The following HYAL3 variants were observed in gnomAD, a reference collection of about 807,000 sequenced individuals.
HYAL3 encodes the protein hyaluronidase-3.
In HYAL3, 25 loss-of-function variants were observed where a neutral mutation model predicts 29.6. The ratio of observed to expected loss-of-function variants is 0.85; its 90% confidence interval spans 0.62 to 1.18. The LOEUF (loss-of-function observed/expected upper bound fraction) is 1.18. Among genes scored for constraint, HYAL3 ranks in the 50% most tolerant of loss-of-function variants. The pLI, the probability that HYAL3 is intolerant of heterozygous loss-of-function variation, is 0.00. For synonymous variants in HYAL3, 215 were observed against 218.3 expected (o/e 0.99, Z 0.13); for missense variants, 442 against 548.4 (o/e 0.81, Z 1.94).
rs1575495323 is a variant in HYAL3 at position 50,293,848 on chromosome 3, A to G, written c.895-127T>C. 5 of 879,734 alleles carry G rather than the reference A, an allele frequency of 5.7e-6. No homozygotes were observed. In the Admixed American group the frequency reaches 6.5e-5, roughly 12 times the overall value. The allele number at this position is 879,734 out of a possible 1,614,324, so 54.5% of individuals were successfully genotyped here. On this transcript the variant is annotated intron_variant, in intron 2 of 3. Coordinates refer to ENST00000336307, the MANE Select transcript of HYAL3 (RefSeq NM_003549.4). ...TCTAACTCTACAGTAGGGACTCTCT[A>G]GTTTGGTTTGGTTTTAGAGGCGGGG...
Position 50,297,314 on chromosome 3 carries a change from C to A in HYAL3, c.-17-1695G>T. 1 of 1,607,020 alleles carries A rather than the reference C, an allele frequency of 6.2e-7. No individual in the cohort carries two copies. The highest frequency in any genetic ancestry group is 1.1e-5 in the South Asian group (1 of 90,138). On this transcript the variant is annotated intron_variant, in intron 1 of 3. Transcript: ENST00000336307. The surrounding 1 kb of genome is among the most constrained non-coding windows in gnomAD (Gnocchi z 4.3). ...CAGCCAGGCTAGGAGCTGGGGTCTC[C>A]TCTGGCTGGTGTTCAGGATCCAGGG...
rs1701720726 is a variant in HYAL3 at position 50,293,150 on chromosome 3, A to G, written c.*96T>C. On this transcript the variant is annotated 3_prime_UTR_variant, in exon 4 of 4. Transcript: ENST00000336307. ...GCGGGGTGTGTGCTTGGGAGGGTTGACTGTAAACTGAATAGAGCAAGAGTG... is the reference window on the plus strand; with the variant it reads ...GCGGGGTGTGTGCTTGGGAGGGTTGGCTGTAAACTGAATAGAGCAAGAGTG... The G allele has an allele frequency of 6.4e-7, 1 of 1,570,312 alleles. No individual in the cohort carries two copies. The highest frequency in any genetic ancestry group is 8.8e-7 in the Non-Finnish European group (1 of 1,142,512).
At chr3:50,293,831 T>A in intron 2 of HYAL3, 110 bp from the exon 3 acceptor site, 1 of 962,084 alleles carries the variant, frequency 1.0e-6, no homozygotes, top group Non-Finnish European at 1.6e-6. Flanking sequence ...ATTCTAACTC[T>A]ACAGTAGGGA....
Position 50,295,593 on chromosome 3 carries a change from G to T in HYAL3, c.10C>A (p.Gln4Lys). The T allele has an allele frequency of 6.5e-7, 1 of 1,545,544 alleles. No homozygotes were observed. The highest frequency in any genetic ancestry group is 8.7e-7 in the Non-Finnish European group (1 of 1,144,680). ...CCCAGCACCAGGGCTGGGCCCAGTT[G>T]CGTGGTCATTCCCCAAGGATGGAAA... MTTQLGPALVLGVA... is the reference protein window; with the variant it reads MTTKLGPALVLGVA... The change falls in exon 2 of 4, where the codon CAA (glutamine) becomes AAA (lysine). Residue 4 changes from glutamine (Q) to lysine (K), a missense_variant. Gln to Lys is a moderately conservative substitution (Grantham distance 53). Transcript: ENST00000336307.
chr3:50,297,264 C>G lies in HYAL3; in HGVS notation c.-17-1645G>C. On this transcript the variant is annotated intron_variant, in intron 1 of 3. Transcript: ENST00000336307. The surrounding 1 kb of genome is among the most constrained non-coding windows in gnomAD (Gnocchi z 4.3). ...ACAAGCATCCAGGAGCTCGGGTCGG[C>G]GGTGCACAGGCTCCAGGGTCAACTC... is the stretch of plus-strand genomic sequence containing the variant. 2 of 1,608,926 alleles carry G rather than the reference C, an allele frequency of 1.2e-6. No homozygotes were observed. Among genetic ancestry groups the G allele is most frequent in the Middle Eastern group, 1.7e-4 (1 of 6,032 alleles).
rs1266453479 is a variant in HYAL3 at position 50,297,743 on chromosome 3, G to GT, written c.-18+1469dup. ...GTTGGAGCAGGGAAGGGCTGACAGAGTGCAGGGGGGACCATGCATACTGGA... is the reference window on the plus strand; with the variant it reads ...GTTGGAGCAGGGAAGGGCTGACAGAGTTGCAGGGGGGACCATGCATACTGGA... On this transcript the variant is annotated intron_variant, in intron 1 of 3. Transcript: ENST00000336307. The surrounding 1 kb of genome is among the most constrained non-coding windows in gnomAD (Gnocchi z 4.3). The GT allele has an allele frequency of 6.0e-6, 8 of 1,323,246 alleles. No individual in the cohort carries two copies. In the Admixed American group the frequency reaches 2.6e-4, roughly 43 times the overall value. 82.0% of individuals were successfully genotyped at this position (1,323,246 alleles called of 1,614,324 possible).
chr3:50,295,422 G>A lies in HYAL3; in HGVS notation c.181C>T (p.Arg61Cys), dbSNP rs1411442293. 3.7e-6 allele frequency: 6 copies of A among 1,614,066 alleles called. No homozygotes were observed. The highest frequency in any genetic ancestry group is 1.7e-5 in the Admixed American group (1 of 60,012). ...PLNALGIIAN[R>C]GQHFHGQNMT... ...TTCTGACCGTGAAAATGCTGGCCAC[G>A]GTTGGCTATGATGCCCAGAGCATTG... Residue 61 changes from arginine to cysteine, a missense_variant, in exon 2 of 4, where the codon CGT becomes TGT. Coordinates refer to ENST00000336307, the MANE Select transcript of HYAL3 (RefSeq NM_003549.4).
In HYAL3 at chr3:50,295,544, C is replaced by A; in HGVS notation, c.59G>T (p.Gly20Val). The change falls in exon 2 of 4, where the codon GGC becomes GTC. Residue 20 changes from glycine to valine, a missense_variant. Transcript: ENST00000336307. ...VLGVALCLGC[G>V]QPLPQVPERP... ...TTCAGGGACCTGTGGTAGGGGCTGG[C>A]CACAACCCAGGCACAGGGCCACCCC... is the stretch of plus-strand genomic sequence containing the variant. 1 of 1,586,894 alleles carries A rather than the reference C, an allele frequency of 6.3e-7. No individual in the cohort carries two copies. Among genetic ancestry groups the A allele is most frequent in the South Asian group, 1.1e-5 (1 of 87,964 alleles).
At chr3:50,293,846 CTAGTT>C (rs1701750482) in intron 2 of HYAL3, 125 bp from the exon 3 acceptor site, 13 of 887,318 alleles carry the variant, frequency 1.5e-5, no homozygotes, top group Non-Finnish European at 2.0e-5. Context: ...TAGGGACTCT[CTAGTT>C]TGGTTTGGTT....
rs1701899156 is a variant in HYAL3 at position 50,297,432 on chromosome 3, T to C, written c.-18+1781A>G. 6.2e-7 allele frequency: 1 copy of C among 1,611,850 alleles called. No individual in the cohort carries two copies. Among genetic ancestry groups the C allele is most frequent in the Non-Finnish European group, 8.5e-7 (1 of 1,178,892 alleles). ...CTGGCACGCAGGATCCAGAGTCAGC[T>C]CAGCTGGGCTGGTACTCAGGATCAG... On this transcript the variant is annotated intron_variant, in intron 1 of 3. Coordinates refer to ENST00000336307, the MANE Select transcript of HYAL3 (RefSeq NM_003549.4). The surrounding 1 kb of genome is among the most constrained non-coding windows in gnomAD (Gnocchi z 4.3).
chr3:50,294,816 GAT>G lies in HYAL3; in HGVS notation c.785_786del (p.His262ProfsTer38). 6.5e-7 allele frequency: 1 copy of G among 1,526,854 alleles called. No homozygotes were observed. The allele number at this position is 1,526,854 out of a possible 1,614,324, so 94.6% of individuals were successfully genotyped here. A position where few individuals can be genotyped will look rare whatever the true frequency, so the allele number is the denominator to read the frequency against. On this transcript the variant is annotated frameshift_variant, in exon 2 of 4. Coordinates refer to ENST00000336307, the MANE Select transcript of HYAL3 (RefSeq NM_003549.4). LOFTEE classifies it high-confidence loss of function. ...PPAHHQAFVR[H>X]RLEEAFRVAL... ...GCCACACGGAAGGCCTCCTCCAGGC[GAT>G]GTCGGACAAAGGCCTGGTGGTGGGC...
At chr3:50,298,970 T>C (rs1437314042) in intron 1 of HYAL3, 3 of 1,446,190 alleles carry the variant, frequency 2.1e-6, no homozygotes, top group East Asian at 2.6e-5. Context: ...TCCGGGGTCC[T>C]CAGAGAGTGG....
At chr3:50,296,214 G>T (rs1553711116) in intron 1 of HYAL3, among the ~76,000 whole-genome samples, 1 of 152,210 alleles carries the variant, frequency 6.6e-6, no homozygotes, top group Non-Finnish European at 1.5e-5. Flanking sequence ...GAATGGTAAT[G>T]AGTGAATGGG....
In HYAL3 at chr3:50,297,364, A is replaced by C. The variant is rs200708727; in HGVS notation, c.-17-1745T>G. On this transcript the variant is annotated intron_variant, in intron 1 of 3. Transcript: ENST00000336307. The surrounding 1 kb of genome is among the most constrained non-coding windows in gnomAD (Gnocchi z 4.3). ...GTAAGCTCAGTTGGACCAGGATTGAAGGTCATCTCTGGTTGGCATGTGGAA... is the reference window on the plus strand; with the variant it reads ...GTAAGCTCAGTTGGACCAGGATTGACGGTCATCTCTGGTTGGCATGTGGAA... 9 of 1,613,034 alleles carry C rather than the reference A, an allele frequency of 5.6e-6. No individual in the cohort carries two copies. In the East Asian group the frequency reaches 1.8e-4, roughly 32 times the overall value.
At position 50,293,104 on chromosome 3, in the gene HYAL3, C is replaced by T. The variant is rs1701719278; in HGVS notation, c.*142G>A. Reference sequence around the variant, plus strand: ...AAGCGTTTTTTCTGGCCCCTTCTACCCCTCAGGGATTCCAAGGGAAGCGGG... The same window carrying T: ...AAGCGTTTTTTCTGGCCCCTTCTACTCCTCAGGGATTCCAAGGGAAGCGGG... On this transcript the variant is annotated 3_prime_UTR_variant, in exon 4 of 4. Transcript: ENST00000336307. 1.4e-6 allele frequency: 2 copies of T among 1,465,332 alleles called. No individual in the cohort carries two copies. Among genetic ancestry groups the T allele is most frequent in the African/African-American group, 1.4e-5 (1 of 71,992 alleles). 90.8% of individuals were successfully genotyped at this position (1,465,332 alleles called of 1,614,324 possible). A position where few individuals can be genotyped will look rare whatever the true frequency, so the allele number is the denominator to read the frequency against.
chr3:50,295,072 G>C lies in HYAL3; in HGVS notation c.531C>G (p.Ala177=), dbSNP rs781949957. 8 of 1,613,264 alleles carry C rather than the reference G, an allele frequency of 5.0e-6. No individual in the cohort carries two copies. The South Asian group carries it at 8.8e-5, about 18-fold the overall frequency. Residue 177 remains alanine (A), a synonymous_variant, in exon 2 of 4, where the codon GCC becomes GCG. Coordinates refer to ENST00000336307, the MANE Select transcript of HYAL3 (RefSeq NM_003549.4). ...YKAYTGFEQA[A]RALMEDTLRV... Reference sequence around the variant, plus strand: ...GCAGCGTATCCTCCATCAGTGCACGGGCCGCCTGCTCAAAGCCAGTATAGG... The same window carrying C: ...GCAGCGTATCCTCCATCAGTGCACGCGCCGCCTGCTCAAAGCCAGTATAGG...
At position 50,295,490 on chromosome 3, in the gene HYAL3, G is replaced by A. The variant is rs1553710950; in HGVS notation, c.113C>T (p.Pro38Leu). The A allele has an allele frequency of 6.2e-7, 1 of 1,613,126 alleles. No homozygotes were observed. The highest frequency in any genetic ancestry group is 8.5e-7 in the Non-Finnish European group (1 of 1,179,592). ...AAAGCGGGCCTCACAGTGTGCTGAG[G>A]GTACATTCCACAGCACAGAGAAGGG... ...ERPFSVLWNV[P>L]SAHCEARFGV... Residue 38 changes from proline (P) to leucine (L), a missense_variant, in exon 2 of 4, where the codon CCC becomes CTC. Physicochemically the swap from Pro to Leu is moderately conservative, Grantham distance 98. Transcript: ENST00000336307.
At chr3:50,298,246 A>G (rs1422232790) in intron 1 of HYAL3, among the ~76,000 whole-genome samples, 2 of 152,086 alleles carry the variant, frequency 1.3e-5, no homozygotes, top group East Asian at 3.8e-4. Flanking sequence ...TACCTGGGCT[A>G]TGCCCACTGC....
Position 50,297,734 on chromosome 3 carries a change from G to A in HYAL3, c.-18+1479C>T, listed in dbSNP as rs1421520579. 2 of 1,356,806 alleles carry A rather than the reference G, an allele frequency of 1.5e-6. No homozygotes were observed. Among genetic ancestry groups the A allele is most frequent in the African/African-American group, 3.0e-5 (2 of 67,478 alleles). The allele number at this position is 1,356,806 out of a possible 1,614,324, so 84.0% of individuals were successfully genotyped here. On this transcript the variant is annotated intron_variant, in intron 1 of 3. Coordinates refer to ENST00000336307, the MANE Select transcript of HYAL3 (RefSeq NM_003549.4). The surrounding 1 kb of genome is among the most constrained non-coding windows in gnomAD (Gnocchi z 4.3). ...GAGGGTGGGGTTGGAGCAGGGAAGG[G>A]CTGACAGAGTGCAGGGGGGACCATG...
Sources: allele counts gnomAD v4.1 joint callset (sites outside exome capture counted in the v4.1 genomes callset), GRCh38; gene constraint gnomAD v4.1.1; non-coding constraint Gnocchi (gnomAD v3.1); transcripts MANE v1.5; gene names NCBI Gene and HGNC (gene_info 2026-07-23, HGNC 2026-07-21).